KCTD16: variants seen among roughly 807,000 people sequenced by gnomAD.
KCTD16 encodes the protein BTB/POZ domain-containing protein KCTD16.
In KCTD16, 13 loss-of-function variants were observed where a neutral mutation model predicts 33.2. The ratio of observed to expected loss-of-function variants is 0.39; its 90% CI spans 0.25 to 0.62. The LOEUF is 0.62. Ranked by LOEUF, KCTD16 falls within the 20% of genes least tolerant of loss-of-function variation. The probability of loss-of-function intolerance (pLI) is 0.50; values close to 1 mark genes in which losing one functional copy is unlikely to be tolerated. For missense variants in KCTD16, 441 were observed against 525.1 expected, an observed-to-expected ratio of 0.84 and a Z score of 1.57; for synonymous variants, 197 against 195.3, an observed-to-expected ratio of 1.01 and a Z score of -0.07.
intron 3 of KCTD16, among the ~76,000 whole-genome samples, chr5:144,237,961 G>T (rs1213593215): frequency 2.6e-5 from 4 of 152,146 alleles, no homozygotes. Context: ...CTCAGACACT[G>T]CACAACCTCC....
chr5:144,305,213 C>G (rs560397062), intron 3 of KCTD16, among the ~76,000 whole-genome samples: 1 of 151,972 alleles, frequency 6.6e-6, no homozygotes, highest in Admixed American at 6.5e-5. Context: ...CACCTCAATC[C>G]AATGAACTGT....
intron 3 of KCTD16, among the ~76,000 whole-genome samples, chr5:144,262,925 A>G (rs1305531272): frequency 6.6e-6 from 1 of 152,202 alleles, no homozygotes; most frequent in East Asian, 1.9e-4. Flanking sequence ...GACATAATTC[A>G]GAGCCAGGTC....
chr5:144,212,501 C>A (rs1379431218), intron 3 of KCTD16, among the ~76,000 whole-genome samples: 1 of 152,018 alleles, frequency 6.6e-6, no homozygotes, highest in African/African-American at 2.4e-5. Flanking sequence ...AAAGAGAAGA[C>A]CAAATATTTC....
intron 3 of KCTD16, among the ~76,000 whole-genome samples, chr5:144,267,407 A>T (rs1755174538): frequency 2.6e-5 from 4 of 152,126 alleles, no homozygotes; most frequent in Admixed American, 1.3e-4. Context: ...GGGGCATGGG[A>T]AGCACTTTAA....
chr5:144,378,354 T>C (rs1752138815), intron 3 of KCTD16, among the ~76,000 whole-genome samples: 2 of 152,198 alleles, frequency 1.3e-5, no homozygotes, highest in African/African-American at 4.8e-5. Flanking sequence ...ATACCAAATG[T>C]AGTTTCTTGC....
At chr5:144,300,889 TTTGA>T (rs1410638604) in intron 3 of KCTD16, among the ~76,000 whole-genome samples, 1 of 151,456 alleles carries the variant, frequency 6.6e-6, no homozygotes, top group African/African-American at 2.4e-5. Flanking sequence ...TGGCAGGGAG[TTTGA>T]TTGGACTACA....
intron 3 of KCTD16, among the ~76,000 whole-genome samples, chr5:144,396,822 G>A (rs1011519085): frequency 4.6e-5 from 7 of 151,330 alleles, no homozygotes; most frequent in Non-Finnish European, 7.4e-5. Flanking sequence ...TCCAGTCCCC[G>A]AGATATAAAC....
At chr5:144,247,219 T>C (rs750432234) in intron 3 of KCTD16, among the ~76,000 whole-genome samples, 9 of 152,340 alleles carry the variant, frequency 5.9e-5, no homozygotes, top group South Asian at 2.1e-4. Context: ...CAGAGTATGA[T>C]GGAAATGATG....
intron 3 of KCTD16, among the ~76,000 whole-genome samples, chr5:144,333,696 C>G (rs368933865): frequency 6.6e-6 from 1 of 152,166 alleles, no homozygotes; most frequent in African/African-American, 2.4e-5. Context: ...GCATTCTTGT[C>G]TGGGCATGTC....
intron 3 of KCTD16, among the ~76,000 whole-genome samples, chr5:144,325,614 C>T (rs1310784767): frequency 6.6e-6 from 1 of 152,068 alleles, no homozygotes; most frequent in African/African-American, 2.4e-5. Context: ...CTCTATTCTC[C>T]TTTCGGCCTA....
At chr5:144,270,691 G>C (rs1173571879) in intron 3 of KCTD16, among the ~76,000 whole-genome samples, 1 of 150,464 alleles carries the variant, frequency 6.6e-6, no homozygotes, top group African/African-American at 2.4e-5. Context: ...CAAAGTTAGA[G>C]AAGAGATAAA....
chr5:144,393,891 T>C (rs899049780), intron 3 of KCTD16, among the ~76,000 whole-genome samples: 1 of 152,134 alleles, frequency 6.6e-6, no homozygotes, highest in Admixed American at 6.5e-5. Flanking sequence ...TAAAGCTCTC[T>C]AACAGGCTGA....
chr5:144,313,400 G>A (rs1451937462), intron 3 of KCTD16, among the ~76,000 whole-genome samples: 5 of 152,116 alleles, frequency 3.3e-5, no homozygotes, highest in African/African-American at 1.2e-4. Context: ...CTTTCACTGT[G>A]ACCAGACATC....
At chr5:144,276,983 G>A (rs903976815) in intron 3 of KCTD16, among the ~76,000 whole-genome samples, 36 of 151,978 alleles carry the variant, frequency 2.4e-4, no homozygotes, top group African/African-American at 8.2e-4. Context: ...CATAATGACA[G>A]TCATATCCTG....
At chr5:144,355,121 T>C (rs1380529861) in intron 3 of KCTD16, among the ~76,000 whole-genome samples, 2 of 152,134 alleles carry the variant, frequency 1.3e-5, no homozygotes, top group African/African-American at 4.8e-5. Context: ...TAGAACATTC[T>C]GGAGCTGGGA....
At chr5:144,241,180 A>G (rs1754392963) in intron 3 of KCTD16, among the ~76,000 whole-genome samples, 2 of 152,170 alleles carry the variant, frequency 1.3e-5, no homozygotes, top group South Asian at 4.1e-4. Context: ...TTCTGCTTCT[A>G]TACCCTGGGA....
At chr5:144,299,010 TA>T (rs1430734835) in intron 3 of KCTD16, among the ~76,000 whole-genome samples, 1 of 114,778 alleles carries the variant, frequency 8.7e-6, no homozygotes. Flanking sequence ...AGGCCAGGAA[TA>T]AAAAAAATGC....
At chr5:144,336,376 C>T (rs1234308524) in intron 3 of KCTD16, among the ~76,000 whole-genome samples, 1 of 152,200 alleles carries the variant, frequency 6.6e-6, no homozygotes, top group Non-Finnish European at 1.5e-5. Context: ...CTGGAACGGG[C>T]TGTGCACAAA....
chr5:144,331,134 A>C (rs374810259), intron 3 of KCTD16, among the ~76,000 whole-genome samples: 2 of 152,218 alleles, frequency 1.3e-5, no homozygotes, highest in Non-Finnish European at 2.9e-5. Context: ...TTTCTGCTTT[A>C]GGCAGTATAG....
Sources: gnomAD v4.1 joint callset for allele counts (sites outside exome capture counted in the v4.1 genomes callset) on GRCh38, gnomAD v4.1.1 for gene constraint, MANE v1.5 for transcripts, NCBI Gene and HGNC (gene_info 2026-07-23, HGNC 2026-07-21) for gene names.